Variants in PTPRK observed in about 807,000 individuals in gnomAD.
PTPRK encodes the protein receptor-type tyrosine-protein phosphatase kappa.
A neutral mutation model predicts 178.0 loss-of-function variants in PTPRK; 75 were observed. The ratio of observed to expected loss-of-function variants is 0.42; its 90% CI spans 0.35 to 0.51. PTPRK has a LOEUF of 0.51. Among genes scored for constraint, PTPRK ranks in the 20% least tolerant of loss-of-function variants. The probability of loss-of-function intolerance (pLI) is 0.02; values close to 1 mark genes in which losing one functional copy is unlikely to be tolerated. For synonymous variants in PTPRK, 637 were observed against 620.6 expected, an observed-to-expected ratio of 1.03 and a Z score of -0.39; for missense variants, 1,441 against 1,797.8, an observed-to-expected ratio of 0.80 and a Z score of 3.59.
chr6:128,001,265 G>C, intron 15 of PTPRK: 1 of 1,374,440 alleles, frequency 7.3e-7, no homozygotes, highest in Non-Finnish European at 1.0e-6. Flanking sequence ...AGTATGAAAA[G>C]TTTCTAAGCC....
At chr6:128,399,181 G>A (rs972318954) in intron 1 of PTPRK, among the ~76,000 whole-genome samples, 30 of 152,080 alleles carry the variant, frequency 2.0e-4, no homozygotes, top group African/African-American at 6.5e-4. Context: ...CTCCAGTGCT[G>A]TAAATTCTTC....
At chr6:128,283,233 T>C (rs1385766368) in intron 3 of PTPRK, among the ~76,000 whole-genome samples, 1 of 151,808 alleles carries the variant, frequency 6.6e-6, no homozygotes, top group African/African-American at 2.4e-5. Context: ...CCCCCAAGGG[T>C]GCCCCAATCA....
At chr6:128,338,987 A>G (rs748384231) in intron 2 of PTPRK, among the ~76,000 whole-genome samples, 15 of 152,206 alleles carry the variant, frequency 9.9e-5, no homozygotes, top group Non-Finnish European at 1.8e-4. Flanking sequence ...TTACACATAT[A>G]AATCCCATAA....
chr6:128,160,718 T>C (rs1456156534), intron 7 of PTPRK, among the ~76,000 whole-genome samples: 1 of 151,558 alleles, frequency 6.6e-6, no homozygotes, highest in African/African-American at 2.4e-5. Flanking sequence ...CTTAGCACAG[T>C]GCACTGCAAA....
chr6:128,464,356 A>G (rs1849471304), intron 1 of PTPRK, among the ~76,000 whole-genome samples: 1 of 151,922 alleles, frequency 6.6e-6, no homozygotes, highest in Admixed American at 6.6e-5. Flanking sequence ...AAAGTAAATT[A>G]CTTAAGGTCC....
chr6:128,508,023 A>G (rs1038779447), intron 1 of PTPRK, among the ~76,000 whole-genome samples: 2 of 152,150 alleles, frequency 1.3e-5, no homozygotes, highest in African/African-American at 4.8e-5. Flanking sequence ...GACTACTGAT[A>G]GACTGGAATT....
At chr6:128,304,034 G>T (rs1307562302) in intron 3 of PTPRK, among the ~76,000 whole-genome samples, 3 of 152,134 alleles carry the variant, frequency 2.0e-5, no homozygotes, top group Non-Finnish European at 4.4e-5. Context: ...CAGGACTTAT[G>T]CAATTTTGGA....
intron 7 of PTPRK, among the ~76,000 whole-genome samples, chr6:128,112,625 C>A (rs553286727): frequency 6.6e-6 from 1 of 152,222 alleles, no homozygotes; most frequent in Admixed American, 6.5e-5. Context: ...GTTGTCTGGG[C>A]TGGCAATTGC....
chr6:127,978,721 G>A (rs769637282), intron 25 of PTPRK, among the ~76,000 whole-genome samples: 3 of 152,156 alleles, frequency 2.0e-5, no homozygotes, highest in African/African-American at 4.8e-5. Flanking sequence ...ATATGCATGA[G>A]GAGGAGCTGA....
At chr6:128,212,664 T>C (rs1042488230) in intron 6 of PTPRK, among the ~76,000 whole-genome samples, 19 of 152,148 alleles carry the variant, frequency 1.2e-4, no homozygotes, top group African/African-American at 4.1e-4. Context: ...TTGATCCTTT[T>C]CAAATTCTTA....
chr6:128,041,038 T>C (rs1404457053), intron 13 of PTPRK, among the ~76,000 whole-genome samples: 2 of 152,142 alleles, frequency 1.3e-5, no homozygotes, highest in South Asian at 2.1e-4. Context: ...TGTTTCAGTA[T>C]ATGGCATTTT....
chr6:128,190,399 T>G (rs781439946), intron 6 of PTPRK, among the ~76,000 whole-genome samples: 20 of 152,060 alleles, frequency 1.3e-4, no homozygotes, highest in Non-Finnish European at 2.5e-4. Context: ...CTATTAAGTT[T>G]TATTTACTTT....
At chr6:128,087,403 A>T (rs1278224475) in intron 8 of PTPRK, among the ~76,000 whole-genome samples, 3 of 152,256 alleles carry the variant, frequency 2.0e-5, no homozygotes, top group African/African-American at 7.2e-5. Context: ...GCCTAGTGTG[A>T]CACAGACCTT....
intron 5 of PTPRK, chr6:128,238,305 T>G (rs1483485126): frequency 5.6e-6 from 2 of 358,544 alleles, no homozygotes; most frequent in Non-Finnish European, 1.1e-5. Flanking sequence ...GGAGGAACAT[T>G]TTTTAAAACC....
At chr6:128,009,330 T>C in intron 13 of PTPRK, 62 bp from the exon 14 acceptor site, 2 of 1,480,856 alleles carry the variant, frequency 1.4e-6, no homozygotes, top group African/African-American at 1.4e-5. Flanking sequence ...AAAAAAATTA[T>C]TCCCAGTAAT....
At chr6:128,162,185 A>G (rs1798803244) in intron 7 of PTPRK, among the ~76,000 whole-genome samples, 1 of 151,666 alleles carries the variant, frequency 6.6e-6, no homozygotes, top group Non-Finnish European at 1.5e-5. Flanking sequence ...TAAGACTTAC[A>G]TTTTACAAGC....
chr6:128,344,280 T>G (rs1272137121), intron 2 of PTPRK, among the ~76,000 whole-genome samples: 1 of 152,138 alleles, frequency 6.6e-6, no homozygotes, highest in Non-Finnish European at 1.5e-5. Flanking sequence ...CACTTAATAC[T>G]GCTCCCACTC....
intron 1 of PTPRK, among the ~76,000 whole-genome samples, chr6:128,451,549 T>C (rs887802878): frequency 7.2e-5 from 11 of 152,032 alleles, no homozygotes; most frequent in African/African-American, 2.4e-4. Context: ...GCAGAAGAGG[T>C]ACAAAAATTT....
intron 4 of PTPRK, among the ~76,000 whole-genome samples, chr6:128,240,706 C>T (rs1814259000): frequency 1.3e-5 from 2 of 152,118 alleles, no homozygotes; most frequent in South Asian, 2.1e-4. Flanking sequence ...AGAAAAAGAA[C>T]ACCAGCTAAA....
Sources: gnomAD v4.1 joint callset for allele counts (sites outside exome capture counted in the v4.1 genomes callset) on GRCh38, gnomAD v4.1.1 for gene constraint, MANE v1.5 for transcripts, NCBI Gene and HGNC (gene_info 2026-07-23, HGNC 2026-07-21) for gene names.